Variants in MAN1C1 observed in about 807,000 individuals in gnomAD.
The protein encoded by MAN1C1 is mannosyl-oligosaccharide 1,2-alpha-mannosidase IC.
Under a neutral mutation model 71.5 loss-of-function variants are expected in MAN1C1, and 49 were observed. The observed-to-expected ratio is 0.69, with a 90% CI of 0.54 to 0.87. The LOEUF is 0.87. Ranked by LOEUF, MAN1C1 falls within the 40% of genes least tolerant of loss-of-function variation. MAN1C1 has a pLI of 0.00. For missense variants in MAN1C1, 743 were observed against 835.0 expected (o/e 0.89, Z 1.36); for synonymous variants, 352 against 343.7 (o/e 1.02, Z -0.27).
chr1:25,676,032 C>T (rs1022362904), intron 1 of MAN1C1, among the ~76,000 whole-genome samples: 6 of 152,188 alleles, frequency 3.9e-5, no homozygotes, highest in Non-Finnish European at 7.4e-5. Flanking sequence ...AACTGAGGTA[C>T]TCTGTTTCTG....
rs796433964 is a variant in MAN1C1 at position 25,758,013 on chromosome 1, C to T, written c.930-579C>T. ...CCAGATGTGTGGTCACACCAGAGCT[C>T]CCTGCCTGTCCTATGTAGGTTCCAT... On this transcript the variant is annotated intron_variant, in intron 5 of 11. Transcript: ENST00000374332. Among the ~76,000 whole-genome samples the T allele has an allele frequency of 2.6e-5, 4 of 152,230 alleles. 1 individual carries two copies. The South Asian group carries it at 8.3e-4, about 31-fold the overall frequency.
Position 25,764,014 on chromosome 1 carries a change from A to G in MAN1C1, c.1141+47A>G. The stretch of plus-strand genomic sequence containing the variant: ...CCCCTTATTCAGCGGGTTCCTGCCC[A>G]GGCTTCCTAGGAAGACCCTGCCAGG... On this transcript the variant is annotated intron_variant, in intron 7 of 11. Transcript: ENST00000374332. The surrounding 1 kb of genome is among the most constrained non-coding windows in gnomAD (Gnocchi z 4.4). 1 of 1,510,844 alleles carries G rather than the reference A, an allele frequency of 6.6e-7. No homozygotes were observed. The highest frequency in any genetic ancestry group is 9.2e-7 in the Non-Finnish European group (1 of 1,087,410). 93.6% of individuals were successfully genotyped at this position (1,510,844 alleles called of 1,614,324 possible). A position where few individuals can be genotyped will look rare whatever the true frequency, so the allele number is the denominator to read the frequency against.
At chr1:25,651,623 T>G (rs1160423056) in intron 1 of MAN1C1, among the ~76,000 whole-genome samples, 3 of 152,222 alleles carry the variant, frequency 2.0e-5, no homozygotes, top group Non-Finnish European at 2.9e-5. Context: ...AGACCAGTGC[T>G]GCCTTCCTCT....
At chr1:25,724,744 A>G (rs998178713) in intron 2 of MAN1C1, among the ~76,000 whole-genome samples, 2 of 152,192 alleles carry the variant, frequency 1.3e-5, no homozygotes, top group African/African-American at 4.8e-5. Context: ...TTTTCCTGCA[A>G]ACACAGAATA....
At chr1:25,774,476 T>C (rs1479840596) in intron 8 of MAN1C1, among the ~76,000 whole-genome samples, 2 of 152,132 alleles carry the variant, frequency 1.3e-5, no homozygotes, top group Non-Finnish European at 2.9e-5. Flanking sequence ...GGCCTCTACT[T>C]ACCAGCAGCC....
At position 25,753,677 on chromosome 1, in the gene MAN1C1, T is replaced by A; in HGVS notation, c.929+99T>A. 1 of 1,039,832 alleles carries A rather than the reference T, an allele frequency of 9.6e-7. No individual in the cohort carries two copies. Among genetic ancestry groups the A allele is most frequent in the Non-Finnish European group, 1.4e-6 (1 of 709,044 alleles). The allele number at this position is 1,039,832 out of a possible 1,614,324, so 64.4% of individuals were successfully genotyped here. On this transcript the variant is annotated intron_variant, in intron 5 of 11. Coordinates refer to ENST00000374332, the MANE Select transcript of MAN1C1 (RefSeq NM_020379.4). The surrounding 1 kb of genome is among the most constrained non-coding windows in gnomAD (Gnocchi z 4.9). ...GCTGGTGAGGAGGCTCCAGGGGCAG[T>A]AGGCAGGCAAGCAGGAGGGGGGACC...
intron 2 of MAN1C1, among the ~76,000 whole-genome samples, chr1:25,715,255 T>A (rs544140297): frequency 4.6e-5 from 7 of 152,248 alleles, no homozygotes; most frequent in East Asian, 1.9e-4. Context: ...CTCATCCTCA[T>A]GTCCAGAGGG....
intron 1 of MAN1C1, among the ~76,000 whole-genome samples, chr1:25,650,149 G>A (rs539079202): frequency 6.6e-5 from 10 of 152,352 alleles, no homozygotes; most frequent in South Asian, 4.1e-4. Flanking sequence ...TGACTGGGGC[G>A]TGTGGGTCTC....
Position 25,617,726 on chromosome 1 carries a change from C to G in MAN1C1, c.-72C>G. 1 of 1,447,928 alleles carries G rather than the reference C, an allele frequency of 6.9e-7. No homozygotes were observed. The highest frequency in any genetic ancestry group is 9.1e-7 in the Non-Finnish European group (1 of 1,094,898). 89.7% of individuals were successfully genotyped at this position (1,447,928 alleles called of 1,614,324 possible). On this transcript the variant is annotated 5_prime_UTR_variant, in exon 1 of 12. Transcript: ENST00000374332. This position sits in a 1 kb window ranked among gnomAD's most constrained non-coding sequence, Gnocchi z 5.1. ...CCATCCCGGGCGGCGCTCCGGACGC[C>G]CTCCCCTCACCGCGCCCCCGCAGAC...
intron 2 of MAN1C1, among the ~76,000 whole-genome samples, chr1:25,708,218 G>A (rs936308205): frequency 5.9e-5 from 9 of 152,200 alleles, no homozygotes; most frequent in African/African-American, 2.2e-4. Flanking sequence ...TTATTCATGA[G>A]TTTTCCAGGG....
intron 6 of MAN1C1, chr1:25,763,581 A>G (rs807270): frequency 0.84 from 265,966 of 316,922 alleles, 112,661 homozygotes; most frequent in East Asian, 0.98. Context: ...GTTGGGTGGG[A>G]TAGGAGTCGG....
rs767183548 is a variant in MAN1C1 at position 25,618,006 on chromosome 1, C to T, written c.209C>T (p.Ala70Val). The T allele has an allele frequency of 1.2e-6, 2 of 1,603,054 alleles. No individual in the cohort carries two copies. The highest frequency in any genetic ancestry group is 2.2e-5 in the South Asian group (2 of 90,356). ...QPGLEVVAEIAGHAPAREQEP... is the reference protein window; with the variant it reads ...QPGLEVVAEIVGHAPAREQEP... The stretch of plus-strand genomic sequence containing the variant: ...GGTCTGGAAGTGGTGGCTGAAATCG[C>T]CGGCCATGCCCCGGCCCGCGAGCAG... Residue 70 changes from alanine (A) to valine (V), a missense_variant, in exon 1 of 12, where the codon GCC (alanine) becomes GTC (valine). Coordinates refer to ENST00000374332, the MANE Select transcript of MAN1C1 (RefSeq NM_020379.4).
Position 25,764,376 on chromosome 1 carries a change from TCTTTGATCA to T in MAN1C1, c.1141+410_1141+418del, listed in dbSNP as rs2047400823. On this transcript the variant is annotated intron_variant, in intron 7 of 11. Transcript: ENST00000374332. This position sits in a 1 kb window ranked among gnomAD's most constrained non-coding sequence, Gnocchi z 4.4. Reference sequence around the variant, plus strand: ...AGAGGCCAGGCATCCTTTCCAAGCCTCTTTGATCAGGCTCCCCACTTCCAACTTCAATTT... The same window carrying T: ...AGAGGCCAGGCATCCTTTCCAAGCCTGGCTCCCCACTTCCAACTTCAATTT... Among the ~76,000 whole-genome samples, 2 of 152,126 alleles carry T rather than the reference TCTTTGATCA, an allele frequency of 1.3e-5. No homozygotes were observed. Among genetic ancestry groups the T allele is most frequent in the African/African-American group, 4.8e-5 (2 of 41,428 alleles).
chr1:25,734,218 T>G (rs1032637947), intron 2 of MAN1C1, among the ~76,000 whole-genome samples: 12 of 152,202 alleles, frequency 7.9e-5, no homozygotes, highest in Non-Finnish European at 1.5e-4. Context: ...AACCTCCACC[T>G]CATGGGTTCA....
Position 25,735,138 on chromosome 1 carries a change from C to T in MAN1C1, c.638-11530C>T, listed in dbSNP as rs564392941. ...GACGATTAAGACATAGGCGGCCAGT[C>T]GCGGTGGCTCACGCCTGTTATCCCA... On this transcript the variant is annotated intron_variant, in intron 2 of 11. Coordinates refer to ENST00000374332, the MANE Select transcript of MAN1C1 (RefSeq NM_020379.4). The surrounding 1 kb of genome is among the most constrained non-coding windows in gnomAD (Gnocchi z 4.6). Among the ~76,000 whole-genome samples the T allele has an allele frequency of 4.6e-5, 7 of 152,210 alleles. No homozygotes were observed. The East Asian group carries it at 7.7e-4, about 17-fold the overall frequency.
rs1243614762 is a variant in MAN1C1, at chr1:25,753,995, C to G, written c.929+417C>G. Among the ~76,000 whole-genome samples the G allele has an allele frequency of 6.6e-6, 1 of 152,132 alleles. No homozygotes were observed. Among genetic ancestry groups the G allele is most frequent in the Non-Finnish European group, 1.5e-5 (1 of 68,016 alleles). Reference sequence around the variant, plus strand: ...CTCTTCCCCCGCTGGGGTTCCGGAGCCAGCAGGCACATCACACCATCCTCC... The same window carrying G: ...CTCTTCCCCCGCTGGGGTTCCGGAGGCAGCAGGCACATCACACCATCCTCC... On this transcript the variant is annotated intron_variant, in intron 5 of 11. Transcript: ENST00000374332. The surrounding 1 kb of genome is among the most constrained non-coding windows in gnomAD (Gnocchi z 4.9).
intron 2 of MAN1C1, among the ~76,000 whole-genome samples, chr1:25,704,944 A>G (rs762115077): frequency 3.4e-4 from 52 of 152,362 alleles, no homozygotes; most frequent in South Asian, 4.1e-4. Flanking sequence ...CTCCAATGCA[A>G]AGCCTTAAAA....
intron 2 of MAN1C1, chr1:25,710,205 G>C (rs1040996579): frequency 6.6e-6 from 1 of 152,254 alleles, no homozygotes; most frequent in Non-Finnish European, 1.5e-5. Context: ...TGGGAATCCT[G>C]CTCTGCCACT....
At chr1:25,679,264 C>T (rs2046111891) in intron 1 of MAN1C1, among the ~76,000 whole-genome samples, 1 of 152,122 alleles carries the variant, frequency 6.6e-6, no homozygotes, top group South Asian at 2.1e-4. Context: ...AGGAAGAAAA[C>T]AGGCACCTCC....
Sources: allele counts gnomAD v4.1 joint callset (sites outside exome capture counted in the v4.1 genomes callset), GRCh38; gene constraint gnomAD v4.1.1; non-coding constraint Gnocchi (gnomAD v3.1); transcripts MANE v1.5; gene names NCBI Gene and HGNC (gene_info 2026-07-23, HGNC 2026-07-21).